Variants in MARCHF1 observed in about 807,000 individuals in gnomAD.
The protein encoded by MARCHF1 is membrane associated ring-CH-type finger 1, also known as E3 ubiquitin-protein ligase MARCHF1.
A neutral mutation model predicts 54.2 loss-of-function variants in MARCHF1; 40 were observed. That is an observed-to-expected ratio of 0.74 (90% CI 0.57 to 0.96). The LOEUF (loss-of-function observed/expected upper bound fraction) is 0.96, where lower values mean the gene tolerates loss of function less well. MARCHF1 is among the 40% of genes least tolerant of loss of function. MARCHF1 has a pLI of 0.00. For missense variants in MARCHF1, 586 were observed against 656.5 expected (o/e 0.89, Z 1.17); for synonymous variants, 236 against 236.3 (o/e 1.00, Z 0.01).
chr4:163,688,556 C>T (rs1744342823), intron 5 of MARCHF1, among the ~76,000 whole-genome samples: 1 of 152,116 alleles, frequency 6.6e-6, no homozygotes, highest in Non-Finnish European at 1.5e-5. Context: ...CTCAAAGATA[C>T]AACCTCCAAA....
intron 2 of MARCHF1, among the ~76,000 whole-genome samples, chr4:164,064,827 T>C (rs1387906548): frequency 3.9e-5 from 6 of 152,230 alleles, no homozygotes; most frequent in Admixed American, 6.5e-5. Context: ...GTTCCTTTAA[T>C]ACATAGTTTA....
chr4:164,302,538 A>G (rs1422322209), intron 1 of MARCHF1, among the ~76,000 whole-genome samples: 1 of 152,098 alleles, frequency 6.6e-6, no homozygotes, highest in Non-Finnish European at 1.5e-5. Flanking sequence ...TAAGCCTGGG[A>G]AAAATGCCTA....
chr4:164,381,157 T>C (rs1208724511), intron 1 of MARCHF1, among the ~76,000 whole-genome samples: 2 of 152,230 alleles, frequency 1.3e-5, no homozygotes, highest in Non-Finnish European at 2.9e-5. Context: ...CTTTGTGCTA[T>C]GGCTTTATTT....
chr4:163,553,717 C>G lies in MARCHF1; in HGVS notation c.1192-7974G>C, dbSNP rs199898056. Among the ~76,000 whole-genome samples, 9 of 152,308 alleles carry G rather than the reference C, an allele frequency of 5.9e-5. No homozygotes were observed. The East Asian group carries it at 1.5e-3, about 26-fold the overall frequency. ...TCATGTTTCCCAAAGACATACTGCT[C>G]TGGGTGACAGATTTCACAAAAGGTT... On this transcript the variant is annotated intron_variant, in intron 8 of 9. Coordinates refer to ENST00000514618, the MANE Select transcript of MARCHF1 (RefSeq NM_001394959.1).
At chr4:164,036,244 C>A (rs1194054668) in intron 2 of MARCHF1, among the ~76,000 whole-genome samples, 1 of 151,824 alleles carries the variant, frequency 6.6e-6, no homozygotes, top group Non-Finnish European at 1.5e-5. Flanking sequence ...AGTCATCTAC[C>A]TCACCCATAA....
chr4:164,346,604 GTATATATATATATATATATA>G (rs56936775), intron 1 of MARCHF1, among the ~76,000 whole-genome samples: 446 of 42,408 alleles, frequency 0.011, 4 homozygotes, highest in Middle Eastern at 0.028. Context: ...ATGTATGTAT[GTATATATATATATATATATA>G]TATATATATA....
At chr4:163,825,358 G>A (rs1051401029) in intron 4 of MARCHF1, among the ~76,000 whole-genome samples, 7 of 151,990 alleles carry the variant, frequency 4.6e-5, no homozygotes, top group African/African-American at 1.4e-4. Context: ...GGGCATCTTG[G>A]TTGGTTCCAT....
chr4:164,259,113 A>G (rs1733376259), intron 1 of MARCHF1, among the ~76,000 whole-genome samples: 1 of 152,152 alleles, frequency 6.6e-6, no homozygotes, highest in African/African-American at 2.4e-5. Flanking sequence ...TAAACAATAA[A>G]TCCATATTAC....
intron 7 of MARCHF1, among the ~76,000 whole-genome samples, chr4:163,610,848 C>A (rs1027064064): frequency 6.6e-6 from 1 of 152,054 alleles, no homozygotes; most frequent in Non-Finnish European, 1.5e-5. Flanking sequence ...TTCACCACAA[C>A]CTAGCTGCAA....
intron 2 of MARCHF1, among the ~76,000 whole-genome samples, chr4:164,072,034 C>CA (rs1033671514): frequency 0.045 from 6,289 of 138,820 alleles, 323 homozygotes; most frequent in African/African-American, 0.14. Context: ...ACATAGAAAC[C>CA]AAAAAAAAAA....
At chr4:163,752,665 G>C (rs1185763089) in intron 4 of MARCHF1, among the ~76,000 whole-genome samples, 1 of 152,142 alleles carries the variant, frequency 6.6e-6, no homozygotes, top group African/African-American at 2.4e-5. Flanking sequence ...AGAATTTTCT[G>C]AATGACAAAA....
chr4:164,065,195 C>A (rs1461439092), intron 2 of MARCHF1, among the ~76,000 whole-genome samples: 1 of 152,122 alleles, frequency 6.6e-6, no homozygotes, highest in Non-Finnish European at 1.5e-5. Context: ...CCCTCCTTTT[C>A]AATTGTTTGA....
intron 2 of MARCHF1, among the ~76,000 whole-genome samples, chr4:164,057,258 C>T (rs1414639452): frequency 6.6e-6 from 1 of 152,112 alleles, no homozygotes; most frequent in Non-Finnish European, 1.5e-5. Context: ...AAGATTATTA[C>T]CATATTCATT....
At chr4:163,673,265 T>A (rs1476891405) in intron 5 of MARCHF1, among the ~76,000 whole-genome samples, 1 of 152,238 alleles carries the variant, frequency 6.6e-6, no homozygotes, top group Non-Finnish European at 1.5e-5. Context: ...ATTAGCCTGT[T>A]AAACATTTAG....
At chr4:164,338,512 A>G (rs1296942330) in intron 1 of MARCHF1, among the ~76,000 whole-genome samples, 1 of 152,222 alleles carries the variant, frequency 6.6e-6, no homozygotes, top group African/African-American at 2.4e-5. Context: ...AAACAACTAT[A>G]TGTTGCCTAC....
intron 1 of MARCHF1, among the ~76,000 whole-genome samples, chr4:164,248,692 T>G (rs375917226): frequency 6.6e-6 from 1 of 152,098 alleles, no homozygotes; most frequent in African/African-American, 2.4e-5. Flanking sequence ...AGGGATAAGT[T>G]GTTCAATGTT....
chr4:163,687,325 T>A (rs1190655947), intron 5 of MARCHF1, among the ~76,000 whole-genome samples: 2 of 151,870 alleles, frequency 1.3e-5, no homozygotes, highest in Admixed American at 6.6e-5. Flanking sequence ...CCTCCCCGGT[T>A]CAAGGGATTC....
chr4:164,197,069 C>T lies in MARCHF1; in HGVS notation c.-322-85407G>A, dbSNP rs115560650. On this transcript the variant is annotated intron_variant, in intron 1 of 9. Transcript: ENST00000514618. ...TCTTCTTCATCTTCCTCGCCATCTA[C>T]CTCTCCATCGTTATAACCTTCTTCA... The T allele has an allele frequency of 1.3e-3, 2,047 of 1,606,432 alleles. 4 individuals carry two copies. The highest frequency in any genetic ancestry group is 1.4e-3 in the Non-Finnish European group (1,646 of 1,175,020).
At chr4:164,109,380 C>T (rs1025283171) in intron 2 of MARCHF1, among the ~76,000 whole-genome samples, 7 of 151,950 alleles carry the variant, frequency 4.6e-5, no homozygotes, top group South Asian at 2.1e-4. Context: ...TGAAAATCTA[C>T]ACTAATAACA....
Sources: gnomAD v4.1 joint callset for allele counts (sites outside exome capture counted in the v4.1 genomes callset) on GRCh38, gnomAD v4.1.1 for gene constraint, MANE v1.5 for transcripts, NCBI Gene and HGNC (gene_info 2026-07-23, HGNC 2026-07-21) for gene names.